Variants in NCKAP5 observed in about 807,000 individuals in gnomAD.
NCKAP5 encodes nck-associated protein 5.
NCKAP5 carries 92 observed loss-of-function variants against 167.0 expected under a neutral mutation model. That is an observed-to-expected ratio of 0.55 (90% CI 0.47 to 0.66). NCKAP5 has a LOEUF of 0.66. Among genes scored for constraint, NCKAP5 ranks in the 30% least tolerant of loss-of-function variants. NCKAP5 has a pLI of 0.00. For missense variants in NCKAP5, 2,378 were observed against 2,315.0 expected, an observed-to-expected ratio of 1.03 and a Z score of -0.56; for synonymous variants, 891 against 877.4, an observed-to-expected ratio of 1.02 and a Z score of -0.27.
chr2:132,993,688 A>G (rs931682500), intron 7 of NCKAP5, among the ~76,000 whole-genome samples: 2 of 152,186 alleles, frequency 1.3e-5, no homozygotes, highest in African/African-American at 4.8e-5. Context: ...ACACCACTGC[A>G]CTTTACCTAG....
chr2:132,735,170 C>T lies in NCKAP5; in HGVS notation c.5129-3119G>A, dbSNP rs538908501. On this transcript the variant is annotated intron_variant, in intron 16 of 19. Coordinates refer to ENST00000409261, the MANE Select transcript of NCKAP5 (RefSeq NM_207363.3). The stretch of plus-strand genomic sequence containing the variant: ...TCTTGGATTGAATCCTTAGACTTCT[C>T]GCCAGGATTTTTTTTAGAGTTTACT... 1.6e-3 allele frequency among the ~76,000 whole-genome samples: 236 copies of T among 144,128 alleles called. 1 individual carries two copies. The highest frequency in any genetic ancestry group is 2.8e-3 in the Admixed American group (41 of 14,660). 94.6% of individuals were successfully genotyped at this position (144,128 alleles called of 152,430 possible).
rs112423311 is a variant in NCKAP5, at chr2:133,228,048, C to T, written c.144-14269G>A. Among the ~76,000 whole-genome samples, 68 of 152,262 alleles carry T rather than the reference C, an allele frequency of 4.5e-4. 2 individuals carry two copies. In the South Asian group the frequency reaches 9.7e-3, roughly 22 times the overall value. On this transcript the variant is annotated intron_variant, in intron 4 of 19. Coordinates refer to ENST00000409261, the MANE Select transcript of NCKAP5 (RefSeq NM_207363.3). ...CTTGGTTTCTATTCCATCAGTTCCA[C>T]GTTTTAATTCTCTGGAGTAAGATCC... is the stretch of plus-strand genomic sequence containing the variant.
chr2:133,496,581 A>G (rs1411230647), intron 3 of NCKAP5, among the ~76,000 whole-genome samples: 1 of 152,170 alleles, frequency 6.6e-6, no homozygotes. Flanking sequence ...TGTGATTCTT[A>G]AGGTGTGAGC....
chr2:133,416,902 C>G (rs1245275186), intron 3 of NCKAP5, among the ~76,000 whole-genome samples: 1 of 152,108 alleles, frequency 6.6e-6, no homozygotes, highest in Non-Finnish European at 1.5e-5. Flanking sequence ...AGTGTAGCAT[C>G]TTTTTATTTT....
intron 12 of NCKAP5, among the ~76,000 whole-genome samples, chr2:132,794,077 C>T (rs1254554937): frequency 6.6e-6 from 1 of 151,540 alleles, no homozygotes; most frequent in African/African-American, 2.4e-5. Context: ...CTGAACCCCT[C>T]TGTGACTCAG....
intron 19 of NCKAP5, among the ~76,000 whole-genome samples, chr2:132,698,007 C>T: frequency 6.6e-6 from 1 of 152,072 alleles, no homozygotes. Flanking sequence ...TTTTATTGGC[C>T]CGTATTTCAA....
intron 3 of NCKAP5, among the ~76,000 whole-genome samples, chr2:133,488,330 G>T (rs186224259): frequency 1.3e-5 from 2 of 152,234 alleles, no homozygotes; most frequent in East Asian, 3.9e-4. Flanking sequence ...AGCAAGGGCT[G>T]GTCAAAGGGC....
chr2:132,673,068 C>G lies in NCKAP5; in HGVS notation c.*221G>C, dbSNP rs962750633. ...TGACTGGCACAGGAAGAGAAGCTAT[C>G]ATATAAAGAATCACTCAAAGATTCC... On this transcript the variant is annotated 3_prime_UTR_variant, in exon 20 of 20. Coordinates refer to ENST00000409261, the MANE Select transcript of NCKAP5 (RefSeq NM_207363.3). 4 of 1,152,802 alleles carry G rather than the reference C, an allele frequency of 3.5e-6. No homozygotes were observed. The East Asian group carries it at 1.7e-4, about 48-fold the overall frequency. The allele number at this position is 1,152,802 out of a possible 1,614,324, so 71.4% of individuals were successfully genotyped here.
chr2:133,318,459 C>A (rs1419899116), intron 3 of NCKAP5, among the ~76,000 whole-genome samples: 1 of 152,106 alleles, frequency 6.6e-6, no homozygotes, highest in Non-Finnish European at 1.5e-5. Context: ...TTAAAAAGTG[C>A]TTTTATAGGT....
chr2:132,904,244 C>T (rs746331138), intron 8 of NCKAP5, among the ~76,000 whole-genome samples: 4 of 149,926 alleles, frequency 2.7e-5, no homozygotes, highest in Non-Finnish European at 4.4e-5. Context: ...GCTGAGATGG[C>T]GCCACTGCAC....
At chr2:132,749,491 C>T (rs750964955) in intron 16 of NCKAP5, among the ~76,000 whole-genome samples, 4 of 152,110 alleles carry the variant, frequency 2.6e-5, no homozygotes, top group Non-Finnish European at 4.4e-5. Context: ...GGTGCTGCAC[C>T]CAACCGAATC....
chr2:133,359,749 A>G (rs1333717182), intron 3 of NCKAP5, among the ~76,000 whole-genome samples: 5 of 152,252 alleles, frequency 3.3e-5, no homozygotes, highest in Non-Finnish European at 1.5e-5. Flanking sequence ...AAGTTATTCT[A>G]TAATCACATC....
intron 7 of NCKAP5, among the ~76,000 whole-genome samples, chr2:132,980,774 GA>G (rs796808647): frequency 6.9e-6 from 1 of 145,456 alleles, no homozygotes; most frequent in Non-Finnish European, 1.5e-5. Flanking sequence ...AAGCTCAGAA[GA>G]AAAAAAAAGG....
chr2:133,474,234 T>C (rs1018687364), intron 3 of NCKAP5, among the ~76,000 whole-genome samples: 1 of 151,490 alleles, frequency 6.6e-6, no homozygotes, highest in Non-Finnish European at 1.5e-5. Flanking sequence ...AAGAAGGAAA[T>C]ACTGTCATTT....
At chr2:132,934,220 T>G (rs941162058) in intron 8 of NCKAP5, among the ~76,000 whole-genome samples, 1 of 152,230 alleles carries the variant, frequency 6.6e-6, no homozygotes, top group East Asian at 1.9e-4. Context: ...AATTATTAGA[T>G]ACCTCTGGTG....
At chr2:132,826,947 G>C (rs1162599452) in intron 11 of NCKAP5, among the ~76,000 whole-genome samples, 2 of 152,180 alleles carry the variant, frequency 1.3e-5, no homozygotes, top group Admixed American at 6.5e-5. Context: ...GAGCAGAGGT[G>C]GGGGAAGAGA....
the NCKAP5 span, among the ~76,000 whole-genome samples, chr2:133,627,658 C>T: frequency 5.3e-5 from 8 of 151,914 alleles, no homozygotes; most frequent in Admixed American, 2.0e-4. Context: ...CTGTAGTGTG[C>T]GCTCTCTTTA....
At chr2:133,591,990 C>A in the NCKAP5 span, among the ~76,000 whole-genome samples, 281 of 152,118 alleles carry the variant, frequency 1.8e-3, 3 homozygotes, top group South Asian at 4.8e-3. Context: ...GTATGTCCTT[C>A]CAGAAAAGGT....
At position 133,467,221 on chromosome 2, in the gene NCKAP5, G is replaced by C. The variant is rs1250983328; in HGVS notation, c.69+50237C>G. Among the ~76,000 whole-genome samples, 11 of 150,458 alleles carry C rather than the reference G, an allele frequency of 7.3e-5. No homozygotes were observed. The South Asian group carries it at 1.1e-3, about 15-fold the overall frequency. ...TTTATTGAGAGTTTTTAGCATGAAG[G>C]GTTGTTGAATTTTGTCAAAGGCTTT... On this transcript the variant is annotated intron_variant, in intron 3 of 19. Transcript: ENST00000409261.
Sources: gnomAD v4.1 joint callset for allele counts (sites outside exome capture counted in the v4.1 genomes callset) on GRCh38, gnomAD v4.1.1 for gene constraint, MANE v1.5 for transcripts, NCBI Gene and HGNC (gene_info 2026-07-23, HGNC 2026-07-21) for gene names.